Variants in FGF12 observed in about 807,000 individuals in gnomAD.
FGF12 encodes the protein fibroblast growth factor 12B.
A neutral mutation model predicts 23.6 loss-of-function variants in FGF12; 14 were observed. That is an observed-to-expected ratio of 0.59 (90% confidence interval 0.39 to 0.93). FGF12 has a LOEUF of 0.93. Ranked by LOEUF, FGF12 falls within the 40% of genes least tolerant of loss-of-function variation. FGF12 has a pLI of 0.00. For synonymous variants in FGF12, 62 were observed against 77.3 expected, an observed-to-expected ratio of 0.80 and a Z score of 1.04; for missense variants, 175 against 217.8, an observed-to-expected ratio of 0.80 and a Z score of 1.24.
intron 2 of FGF12, among the ~76,000 whole-genome samples, chr3:192,378,554 CGG>C (rs1466848979): frequency 1.3e-5 from 2 of 152,074 alleles, no homozygotes; most frequent in Admixed American, 1.3e-4. Context: ...CCAAAAGTAA[CGG>C]AACAGGGATT....
intron 4 of FGF12, among the ~76,000 whole-genome samples, chr3:192,298,875 C>A (rs1256754375): frequency 2.0e-5 from 3 of 152,158 alleles, no homozygotes; most frequent in South Asian, 2.1e-4. Flanking sequence ...GAGGTGGAGT[C>A]TGCATATCAC....
chr3:192,370,751 G>A (rs1719190974), intron 2 of FGF12, among the ~76,000 whole-genome samples: 1 of 152,198 alleles, frequency 6.6e-6, no homozygotes, highest in Admixed American at 6.5e-5. Flanking sequence ...ACCTTAGATA[G>A]GCAGTGGCAA....
chr3:192,719,291 T>C lies in FGF12; in HGVS notation c.13+7890A>G, dbSNP rs1489348398. Among the ~76,000 whole-genome samples the C allele has an allele frequency of 2.6e-5, 4 of 152,212 alleles. No homozygotes were observed. The South Asian group carries it at 6.2e-4, about 24-fold the overall frequency. On this transcript the variant is annotated intron_variant, in intron 2 of 5. Coordinates refer to ENST00000445105, the MANE Select transcript of FGF12 (RefSeq NM_004113.6). ...GCAGGTTCTAAGGAAATACTGCTTATTGAATCAATCAACCAATGGTCTCAT... is the reference window on the plus strand; with the variant it reads ...GCAGGTTCTAAGGAAATACTGCTTACTGAATCAATCAACCAATGGTCTCAT...
intron 4 of FGF12, among the ~76,000 whole-genome samples, chr3:192,269,841 C>CT (rs1160423430): frequency 4.0e-5 from 6 of 151,874 alleles, no homozygotes; most frequent in Admixed American, 6.6e-5. Flanking sequence ...ACATACAGCT[C>CT]TTTTTTTTCT....
intron 4 of FGF12, among the ~76,000 whole-genome samples, chr3:192,208,665 A>G (rs1289826268): frequency 6.6e-6 from 1 of 152,242 alleles, no homozygotes; most frequent in East Asian, 1.9e-4. Context: ...AAATAAATGT[A>G]GAATAATTTC....
chr3:192,363,470 A>C (rs1333292821), intron 2 of FGF12, among the ~76,000 whole-genome samples: 5 of 152,178 alleles, frequency 3.3e-5, no homozygotes, highest in Non-Finnish European at 1.5e-5. Context: ...CTCTGAGAGC[A>C]GTGCCAGAAC....
chr3:192,561,574 G>A (rs200696848), intron 2 of FGF12, among the ~76,000 whole-genome samples: 66 of 152,010 alleles, frequency 4.3e-4, no homozygotes, highest in Non-Finnish European at 8.1e-4. Flanking sequence ...GTGTTAGCCA[G>A]GATAGTCTCG....
chr3:192,270,622 G>A (rs1400415019), intron 4 of FGF12, among the ~76,000 whole-genome samples: 2 of 152,100 alleles, frequency 1.3e-5, no homozygotes, highest in Non-Finnish European at 2.9e-5. Context: ...TATACGTTAT[G>A]TATCCTTCAC....
At chr3:192,167,770 A>ATATATATAT (rs1421281367) in intron 5 of FGF12, among the ~76,000 whole-genome samples, 132 of 9,080 alleles carry the variant, frequency 0.015, 10 homozygotes, top group South Asian at 0.041. Context: ...TATATATATA[A>ATATATATAT]AATTTTTTTT....
chr3:192,158,332 C>CTTTCTCTT (rs1459698854), intron 5 of FGF12, among the ~76,000 whole-genome samples: 8 of 112,356 alleles, frequency 7.1e-5, no homozygotes, highest in East Asian at 3.1e-4. Flanking sequence ...TTCTTTCTTT[C>CTTTCTCTT]TCTTTCTTTC....
chr3:192,288,915 T>C (rs116499097), intron 4 of FGF12, among the ~76,000 whole-genome samples: 4 of 152,128 alleles, frequency 2.6e-5, no homozygotes, highest in Admixed American at 2.6e-4. Flanking sequence ...ACCATGCCTT[T>C]TATGCTTAAC....
At chr3:192,620,822 C>T (rs1331627143) in intron 2 of FGF12, among the ~76,000 whole-genome samples, 3 of 152,092 alleles carry the variant, frequency 2.0e-5, no homozygotes, top group Non-Finnish European at 4.4e-5. Flanking sequence ...GGGATATCTA[C>T]TTCCCTACCA....
intron 4 of FGF12, among the ~76,000 whole-genome samples, chr3:192,208,434 T>A (rs1289624779): frequency 6.6e-6 from 1 of 152,202 alleles, no homozygotes; most frequent in Non-Finnish European, 1.5e-5. Context: ...ATCTCATACA[T>A]AGTTTTATGT....
At chr3:192,378,121 GT>G (rs1470591967) in intron 2 of FGF12, among the ~76,000 whole-genome samples, 1 of 67,206 alleles carries the variant, frequency 1.5e-5, no homozygotes, top group Non-Finnish European at 3.2e-5. Flanking sequence ...TTCTCTCTTT[GT>G]TTTTTTTTCT....
intron 2 of FGF12, among the ~76,000 whole-genome samples, chr3:192,608,725 C>A (rs1008715973): frequency 1.8e-4 from 27 of 152,076 alleles, no homozygotes; most frequent in African/African-American, 5.3e-4. Context: ...TTACTGTGAA[C>A]CTCAAAATTG....
At chr3:192,599,269 A>AATAATAATAATT (rs1553837299) in intron 2 of FGF12, among the ~76,000 whole-genome samples, 141 of 148,056 alleles carry the variant, frequency 9.5e-4, no homozygotes, top group African/African-American at 2.6e-3. Context: ...TAATAATAAT[A>AATAATAATAATT]ATAATAATAA....
intron 2 of FGF12, among the ~76,000 whole-genome samples, chr3:192,690,990 A>G (rs1436772999): frequency 2.0e-5 from 3 of 152,092 alleles, no homozygotes; most frequent in African/African-American, 7.2e-5. Flanking sequence ...GTCTACCACA[A>G]TGATAAATAT....
chr3:192,146,346 C>T (rs190497965), intron 5 of FGF12, among the ~76,000 whole-genome samples: 28 of 150,208 alleles, frequency 1.9e-4, no homozygotes, highest in African/African-American at 6.2e-4. Flanking sequence ...TCTAGGCTCA[C>T]TGCAAACTCC....
chr3:192,576,441 T>C (rs1327756196), intron 2 of FGF12, among the ~76,000 whole-genome samples: 2 of 152,064 alleles, frequency 1.3e-5, no homozygotes, highest in African/African-American at 4.8e-5. Flanking sequence ...AACACTGAAA[T>C]GTTTAAGAAG....
Sources: allele counts gnomAD v4.1 joint callset (sites outside exome capture counted in the v4.1 genomes callset), GRCh38; gene constraint gnomAD v4.1.1; transcripts MANE v1.5; gene names NCBI Gene and HGNC (gene_info 2026-07-23, HGNC 2026-07-21).